The following IGDCC3 variants were observed in gnomAD, a reference collection of about 807,000 sequenced individuals.
IGDCC3 encodes the protein putative neuronal cell adhesion molecule.
In IGDCC3, 47 loss-of-function variants were observed where a neutral mutation model predicts 72.0. The observed-to-expected ratio is 0.65, with a 90% CI of 0.52 to 0.83. IGDCC3 has a LOEUF of 0.83. Among genes scored for constraint, IGDCC3 ranks in the 40% least tolerant of loss-of-function variants. IGDCC3 has a pLI of 0.00. For missense variants in IGDCC3, 1,038 were observed against 1,091.3 expected (o/e 0.95, Z 0.69); for synonymous variants, 477 against 472.8 (o/e 1.01, Z -0.11).
chr15:65,372,664 C>G (rs2091334087), intron 2 of IGDCC3, among the ~76,000 whole-genome samples: 1 of 152,216 alleles, frequency 6.6e-6, no homozygotes, highest in South Asian at 2.1e-4. Flanking sequence ...GCCCCCTCCC[C>G]ACGGGCCCCT....
Position 65,377,826 on chromosome 15 carries a change from C to G in IGDCC3, c.-38G>C. ...CAGCTCGGCTCGGCGACGCGCGGCT[C>G]CCGGGCCTCTCGCGGCTCACAGCGT... On this transcript the variant is annotated 5_prime_UTR_variant, in exon 1 of 14. Transcript: ENST00000327987. The surrounding 1 kb of genome is among the most constrained non-coding windows in gnomAD (Gnocchi z 4.9). The G allele has an allele frequency of 2.6e-6, 3 of 1,164,794 alleles. No individual in the cohort carries two copies. The South Asian group carries it at 1.3e-4, about 49-fold the overall frequency. 72.2% of individuals were successfully genotyped at this position (1,164,794 alleles called of 1,614,324 possible).
intron 2 of IGDCC3, among the ~76,000 whole-genome samples, chr15:65,340,546 T>G (rs941801938): frequency 6.6e-6 from 1 of 152,074 alleles, no homozygotes; most frequent in Non-Finnish European, 1.5e-5. Context: ...CCGAGGCCCA[T>G]TCCCTCCTTG....
intron 9 of IGDCC3, 133 bp from the exon 10 acceptor site, chr15:65,330,874 G>T: frequency 9.3e-7 from 1 of 1,073,084 alleles, no homozygotes. Context: ...GCTTATGAAA[G>T]CAGCACCTTC....
rs1429460604 is a variant in IGDCC3 at position 65,329,943 on chromosome 15, C to A, written c.1859-79G>T. ...AAACACCCAGCCTCTGGGGACTCCT[C>A]TTCCTTCAGCTGCTCCCACTCCCAA... On this transcript the variant is annotated intron_variant, in intron 11 of 13. Coordinates refer to ENST00000327987, the MANE Select transcript of IGDCC3 (RefSeq NM_004884.4). The surrounding 1 kb of genome is among the most constrained non-coding windows in gnomAD (Gnocchi z 4.1). The A allele has an allele frequency of 1.4e-6, 2 of 1,477,430 alleles. No individual in the cohort carries two copies. Among genetic ancestry groups the A allele is most frequent in the East Asian group, 2.3e-5 (1 of 44,054 alleles). The allele number at this position is 1,477,430 out of a possible 1,614,324, so 91.5% of individuals were successfully genotyped here.
chr15:65,334,967 C>T, intron 4 of IGDCC3, 102 bp from the exon 5 acceptor site: 1 of 1,343,066 alleles, frequency 7.4e-7, no homozygotes, highest in Non-Finnish European at 1.0e-6. Flanking sequence ...CAAACACCAG[C>T]CCAGAAACCA....
At chr15:65,347,137 C>T (rs1413964102) in intron 2 of IGDCC3, among the ~76,000 whole-genome samples, 24 of 152,186 alleles carry the variant, frequency 1.6e-4, no homozygotes, top group African/African-American at 4.8e-5. Context: ...CCTCACCTCC[C>T]GGAAGGGTGT....
In IGDCC3 at chr15:65,335,311, C is replaced by A. The variant is rs1262856298; in HGVS notation, c.665G>T (p.Gly222Val). Reference protein sequence around the residue: ...SNIASIRISHGARLTVSGSGS... With the variant: ...SNIASIRISHVARLTVSGSGS... The stretch of plus-strand genomic sequence containing the variant: ...CTCACCTGACACAGTGAGCCTGGCC[C>A]CGTGGCTGATCCGGATACTGGCGAT... Residue 222 changes from glycine to valine, a missense_variant, in exon 4 of 14, where the codon GGG (glycine) becomes GTG (valine). Transcript: ENST00000327987. 3 of 1,612,584 alleles carry A rather than the reference C, an allele frequency of 1.9e-6. No homozygotes were observed. Among genetic ancestry groups the A allele is most frequent in the South Asian group, 2.2e-5 (2 of 90,870 alleles).
intron 2 of IGDCC3, among the ~76,000 whole-genome samples, chr15:65,353,348 T>G (rs977175748): frequency 1.3e-5 from 2 of 151,878 alleles, no homozygotes; most frequent in African/African-American, 2.4e-5. Flanking sequence ...CCTCCCGGGT[T>G]CAAGCAATTC....
chr15:65,351,627 T>A (rs2585028), intron 2 of IGDCC3, among the ~76,000 whole-genome samples: 73,527 of 151,802 alleles, frequency 0.48, 18,657 homozygotes, highest in African/African-American at 0.64. Context: ...GTTTAACATT[T>A]ATAGTACATT....
rs1390634239 is a variant in IGDCC3, at chr15:65,377,164, C to G, written c.103+522G>C. On this transcript the variant is annotated intron_variant, in intron 1 of 13. Coordinates refer to ENST00000327987, the MANE Select transcript of IGDCC3 (RefSeq NM_004884.4). The surrounding 1 kb of genome is among the most constrained non-coding windows in gnomAD (Gnocchi z 4.9). The stretch of plus-strand genomic sequence containing the variant: ...CCTCCAGGAATCTCCCTCGTCTTCT[C>G]CTGTCTCTCCCGCGCACTCCTCAGC... Among the ~76,000 whole-genome samples, 1 of 152,156 alleles carries G rather than the reference C, an allele frequency of 6.6e-6. No individual in the cohort carries two copies. The highest frequency in any genetic ancestry group is 2.4e-5 in the African/African-American group (1 of 41,442).
intron 2 of IGDCC3, among the ~76,000 whole-genome samples, chr15:65,363,299 G>T (rs1450396531): frequency 1.3e-5 from 2 of 152,192 alleles, no homozygotes; most frequent in African/African-American, 4.8e-5. Flanking sequence ...TTCCGGGAAT[G>T]ATGAGCCCCC....
At chr15:65,330,948 G>T in intron 9 of IGDCC3, 102 bp downstream of exon 9, 2 of 1,387,098 alleles carry the variant, frequency 1.4e-6, no homozygotes, top group Non-Finnish European at 2.0e-6. Flanking sequence ...CTCAGGGCCG[G>T]GCACCCTGCA....
rs771769341 is a variant in IGDCC3 at position 65,331,049 on chromosome 15, C to A, written c.1561+1G>T. The A allele has an allele frequency of 6.2e-7, 1 of 1,613,330 alleles. No homozygotes were observed. The highest frequency in any genetic ancestry group is 1.1e-5 in the South Asian group (1 of 91,002). On this transcript the variant is annotated splice_donor_variant, in intron 9 of 13. Coordinates refer to ENST00000327987, the MANE Select transcript of IGDCC3 (RefSeq NM_004884.4). LOFTEE classifies it high-confidence loss of function. ...TTTTGTGCTCCACACCCAGGCCTCA[C>A]CTTCACCCAGGGTGCTAGCTAGGGT...
At position 65,339,168 on chromosome 15, in the gene IGDCC3, G is replaced by A. The variant is rs2091057245; in HGVS notation, c.410-3212C>T. On this transcript the variant is annotated intron_variant, in intron 2 of 13. Coordinates refer to ENST00000327987, the MANE Select transcript of IGDCC3 (RefSeq NM_004884.4). This position sits in a 1 kb window ranked among gnomAD's most constrained non-coding sequence, Gnocchi z 4.1. ...ATGATCTCAGCTCACCGCAAGCTCCGCCTCCCAGGCTTAAGCAACTCTCCT... is the reference window on the plus strand; with the variant it reads ...ATGATCTCAGCTCACCGCAAGCTCCACCTCCCAGGCTTAAGCAACTCTCCT... Among the ~76,000 whole-genome samples, 1 of 152,076 alleles carries A rather than the reference G, an allele frequency of 6.6e-6. No individual in the cohort carries two copies. The highest frequency in any genetic ancestry group is 2.4e-5 in the African/African-American group (1 of 41,402).
At chr15:65,370,878 C>A (rs918608655) in intron 2 of IGDCC3, among the ~76,000 whole-genome samples, 3 of 152,162 alleles carry the variant, frequency 2.0e-5, no homozygotes, top group African/African-American at 7.2e-5. Flanking sequence ...CCTGCCTCAG[C>A]CTCTCAAAGT....
In IGDCC3 at chr15:65,375,317, G is replaced by C. The variant is rs752525680; in HGVS notation, c.189C>G (p.Cys63Trp). 6.2e-7 allele frequency: 1 copy of C among 1,614,038 alleles called. No homozygotes were observed. The highest frequency in any genetic ancestry group is 1.1e-5 in the South Asian group (1 of 91,080). Residue 63 changes from cysteine (C) to tryptophan (W), a missense_variant, in exon 2 of 14, where the codon TGC becomes TGG. Physicochemically the swap from Cys to Trp is radical, Grantham distance 215. Coordinates refer to ENST00000327987, the MANE Select transcript of IGDCC3 (RefSeq NM_004884.4). ...GCACTGGAGGGGTCCCCTCCACCCTGCAGTCCAGCACTATAGGCTGCCCGG... is the reference window on the plus strand; with the variant it reads ...GCACTGGAGGGGTCCCCTCCACCCTCCAGTCCAGCACTATAGGCTGCCCGG... Reference protein sequence around the residue: ...AVPGQPIVLDCRVEGTPPVRI... With the variant: ...AVPGQPIVLDWRVEGTPPVRI...
At position 65,362,543 on chromosome 15, in the gene IGDCC3, C is replaced by G. The variant is rs548451569; in HGVS notation, c.409+12554G>C. Among the ~76,000 whole-genome samples the G allele has an allele frequency of 1.3e-3, 195 of 149,692 alleles. 1 individual carries two copies. The highest frequency in any genetic ancestry group is 4.5e-3 in the African/African-American group (186 of 41,110). ...ACACGAAGCCTGAACAAAAGGTGCC[C>G]CCACTGGCAAGGGGTGAGGGTGGGT... is the stretch of plus-strand genomic sequence containing the variant. On this transcript the variant is annotated intron_variant, in intron 2 of 13. Coordinates refer to ENST00000327987, the MANE Select transcript of IGDCC3 (RefSeq NM_004884.4).
At chr15:65,374,949 C>T in intron 2 of IGDCC3, 148 bp downstream of exon 2, 3 of 632,480 alleles carry the variant, frequency 4.7e-6, no homozygotes, top group Non-Finnish European at 8.3e-6. Context: ...CGAATCACTG[C>T]CAGGCACCTC....
chr15:65,355,452 C>T (rs370991301), intron 2 of IGDCC3, among the ~76,000 whole-genome samples: 1 of 151,642 alleles, frequency 6.6e-6, no homozygotes, highest in Non-Finnish European at 1.5e-5. Flanking sequence ...ACCGGAGCCC[C>T]GGTCCAAGCG....
Sources: gnomAD v4.1 joint callset for allele counts (sites outside exome capture counted in the v4.1 genomes callset) on GRCh38, gnomAD v4.1.1 for gene constraint, Gnocchi (gnomAD v3.1) non-coding constraint, MANE v1.5 for transcripts, NCBI Gene and HGNC (gene_info 2026-07-23, HGNC 2026-07-21) for gene names.